The following SUSD4 variants were observed in gnomAD, a reference collection of about 807,000 sequenced individuals.
SUSD4 encodes sushi domain containing 4, also known as sushi domain-containing protein 4.
In SUSD4, 41 loss-of-function variants were observed where a neutral mutation model predicts 50.5. The ratio of observed to expected loss-of-function variants is 0.81; its 90% CI spans 0.63 to 1.05. The LOEUF is 1.05. Ranked by LOEUF, SUSD4 falls within the 50% of genes least tolerant of loss-of-function variation. The pLI, the probability that SUSD4 is intolerant of heterozygous loss-of-function variation, is 0.00. For synonymous variants in SUSD4, 257 were observed against 257.3 expected (o/e 1.00, Z 0.01); for missense variants, 580 against 634.7 (o/e 0.91, Z 0.93).
In SUSD4 at chr1:223,264,605, C is replaced by T. The variant is rs1219242605; in HGVS notation, c.724+25G>A. On this transcript the variant is annotated intron_variant, in intron 5 of 8. Transcript: ENST00000366878. ...CTCCCTTTAATAATACAAAATACAACTTCCGAAAGAATGAGATGTGTTACC... is the reference window on the plus strand; with the variant it reads ...CTCCCTTTAATAATACAAAATACAATTTCCGAAAGAATGAGATGTGTTACC... 1.9e-6 allele frequency: 3 copies of T among 1,611,600 alleles called. No homozygotes were observed. The Admixed American group carries it at 5.0e-5, about 27-fold the overall frequency.
intron 2 of SUSD4, chr1:223,360,152 G>C (rs1354905757): frequency 2.1e-6 from 1 of 468,376 alleles, no homozygotes; most frequent in African/African-American, 2.0e-5. Context: ...CTATCAAGTG[G>C]CAGAGCCTGA....
chr1:223,274,395 A>T (rs1418153), intron 3 of SUSD4, among the ~76,000 whole-genome samples: 2 of 152,092 alleles, frequency 1.3e-5, no homozygotes, highest in Non-Finnish European at 2.9e-5. Context: ...CTTTGTGAGC[A>T]GGGCTGGTCC....
At chr1:223,274,297 G>A (rs183967527) in intron 3 of SUSD4, among the ~76,000 whole-genome samples, 34 of 152,284 alleles carry the variant, frequency 2.2e-4, no homozygotes, top group Middle Eastern at 3.4e-3. Context: ...CAGAGAAAAC[G>A]AGGGGCAAAA....
At chr1:223,298,144 G>A (rs1199325111) in intron 2 of SUSD4, among the ~76,000 whole-genome samples, 7 of 151,702 alleles carry the variant, frequency 4.6e-5, no homozygotes, top group Non-Finnish European at 8.8e-5. Flanking sequence ...ATGGATGGAT[G>A]GATGGGTTGG....
At chr1:223,363,509 G>T (rs1290923427) in intron 1 of SUSD4, 49 bp from the exon 2 acceptor site, 1 of 1,384,772 alleles carries the variant, frequency 7.2e-7, no homozygotes, top group Non-Finnish European at 9.5e-7. Flanking sequence ...TCCGGGCTCG[G>T]GGGCCACGCT....
At chr1:223,350,707 A>G (rs1668311456) in intron 2 of SUSD4, among the ~76,000 whole-genome samples, 2 of 152,218 alleles carry the variant, frequency 1.3e-5, no homozygotes, top group African/African-American at 4.8e-5. Flanking sequence ...TAATCAAGCT[A>G]TGAGTACTCA....
At chr1:223,312,398 G>T (rs1665932147) in intron 2 of SUSD4, among the ~76,000 whole-genome samples, 1 of 152,138 alleles carries the variant, frequency 6.6e-6, no homozygotes, top group Admixed American at 6.5e-5. Flanking sequence ...TCGGGCTCCT[G>T]GGGATAGGGT....
At chr1:223,251,939 G>A (rs1300350015) in intron 5 of SUSD4, among the ~76,000 whole-genome samples, 2 of 151,370 alleles carry the variant, frequency 1.3e-5, no homozygotes, top group Non-Finnish European at 2.9e-5. Context: ...TTTAATGATC[G>A]CCATTCTAAC....
chr1:223,358,998 G>C, intron 2 of SUSD4: 1 of 467,342 alleles, frequency 2.1e-6, no homozygotes, highest in Admixed American at 2.4e-5. Flanking sequence ...TGCTGGCACA[G>C]AGCACAGCAC....
At chr1:223,237,895 C>T (rs148852395) in intron 5 of SUSD4, among the ~76,000 whole-genome samples, 1 of 152,004 alleles carries the variant, frequency 6.6e-6, no homozygotes, top group East Asian at 1.9e-4. Context: ...TGCTTCTATC[C>T]TCCAAAAGAG....
At chr1:223,300,021 G>T (rs979017605) in intron 2 of SUSD4, among the ~76,000 whole-genome samples, 1 of 152,166 alleles carries the variant, frequency 6.6e-6, no homozygotes, top group Non-Finnish European at 1.5e-5. Context: ...AAATGTGAAT[G>T]ACACATATGC....
chr1:223,361,541 A>G (rs1668978810), intron 2 of SUSD4, among the ~76,000 whole-genome samples: 1 of 152,156 alleles, frequency 6.6e-6, no homozygotes, highest in Non-Finnish European at 1.5e-5. Context: ...GGTGACTGTC[A>G]TAAGACCGAG....
intron 7 of SUSD4, among the ~76,000 whole-genome samples, chr1:223,224,858 CTTCCTT>C (rs1659396181): frequency 8.7e-6 from 1 of 115,520 alleles, no homozygotes; most frequent in Non-Finnish European, 1.7e-5. Flanking sequence ...AACTTGGTTT[CTTCCTT>C]TTTTTTTTTT....
At chr1:223,250,173 C>T (rs1028619704) in intron 5 of SUSD4, among the ~76,000 whole-genome samples, 11 of 152,170 alleles carry the variant, frequency 7.2e-5, no homozygotes, top group African/African-American at 2.7e-4. Context: ...TGGTTTCCAT[C>T]ATCTGTCAAC....
chr1:223,239,202 C>T (rs927256839), intron 5 of SUSD4, among the ~76,000 whole-genome samples: 1 of 151,830 alleles, frequency 6.6e-6, no homozygotes, highest in South Asian at 2.1e-4. Flanking sequence ...TTTCCATATA[C>T]TTTCTTTTAT....
At chr1:223,279,480 A>G (rs1177878508) in intron 3 of SUSD4, among the ~76,000 whole-genome samples, 1 of 152,236 alleles carries the variant, frequency 6.6e-6, no homozygotes, top group African/African-American at 2.4e-5. Context: ...CAGTGACTGA[A>G]GATCAAATGA....
chr1:223,290,083 C>T (rs565822443), intron 3 of SUSD4, among the ~76,000 whole-genome samples: 1 of 152,278 alleles, frequency 6.6e-6, no homozygotes, highest in African/African-American at 2.4e-5. Context: ...TGACCTATAA[C>T]AATGTGATAA....
intron 3 of SUSD4, among the ~76,000 whole-genome samples, chr1:223,269,296 G>A (rs770709520): frequency 1.3e-5 from 2 of 152,196 alleles, no homozygotes; most frequent in Admixed American, 1.3e-4. Flanking sequence ...CCACTGTGCT[G>A]CCTCCTAAAA....
At position 223,303,193 on chromosome 1, in the gene SUSD4, AGAAGATCATTATTAAGTATTCCTT is replaced by A. The variant is rs1302760900; in HGVS notation, c.149-10566_149-10543del. 2.6e-5 allele frequency among the ~76,000 whole-genome samples: 4 copies of A among 152,288 alleles called. No homozygotes were observed. The East Asian group carries it at 7.7e-4, about 29-fold the overall frequency. On this transcript the variant is annotated intron_variant, in intron 2 of 8. Transcript: ENST00000366878. ...ATCATTGATAACACATATGTCCATA[AGAAGATCATTATTAAGTATTCCTT>A]GACCTCTGTTCCAGCCTAAACAATC... is the stretch of plus-strand genomic sequence containing the variant.
Sources: gnomAD v4.1 joint callset for allele counts (sites outside exome capture counted in the v4.1 genomes callset) on GRCh38, gnomAD v4.1.1 for gene constraint, MANE v1.5 for transcripts, NCBI Gene and HGNC (gene_info 2026-07-23, HGNC 2026-07-21) for gene names.